The following LARGE1 variants were observed in gnomAD, a reference collection of about 807,000 sequenced individuals.
The protein encoded by LARGE1 is LARGE xylosyl- and glucuronyltransferase 1.
A neutral mutation model predicts 87.6 loss-of-function variants in LARGE1; 43 were observed. The observed-to-expected ratio is 0.49, with a 90% CI of 0.38 to 0.63. The LOEUF (loss-of-function observed/expected upper bound fraction) is 0.63, where lower values mean the gene tolerates loss of function less well. LARGE1 is among the 30% of genes least tolerant of loss of function. The probability of loss-of-function intolerance (pLI) is 0.00; values close to 1 mark genes in which losing one functional copy is unlikely to be tolerated. For synonymous variants in LARGE1, 434 were observed against 394.6 expected (o/e 1.10, Z -1.18); for missense variants, 802 against 1,000.2 (o/e 0.80, Z 2.67).
intron 11 of LARGE1, among the ~76,000 whole-genome samples, chr22:33,260,276 C>T (rs138489320): frequency 2.6e-5 from 4 of 152,252 alleles, no homozygotes; most frequent in South Asian, 2.1e-4. Context: ...GGGAACGGTG[C>T]GTAACAAACT....
the LARGE1 span, among the ~76,000 whole-genome samples, chr22:33,108,048 A>G: frequency 6.6e-6 from 1 of 152,192 alleles, no homozygotes; most frequent in Non-Finnish European, 1.5e-5. Context: ...TTATATATTC[A>G]TAAAGCAAAC....
chr22:33,274,776 TG>T, intron 14 of LARGE1, 152 bp from the exon 15 acceptor site: 1 of 751,076 alleles, frequency 1.3e-6, no homozygotes, highest in East Asian at 2.7e-5. Context: ...AGCTTTGGAG[TG>T]GGGTAATTCA....
At chr22:33,704,898 A>G (rs1161973985) in intron 2 of LARGE1, 2 of 152,278 alleles carry the variant, frequency 1.3e-5, no homozygotes, top group African/African-American at 4.8e-5. Flanking sequence ...ACAGCCAGAC[A>G]CGCAGAGGCT....
At chr22:33,253,766 C>T (rs569593214) in intron 11 of LARGE1, among the ~76,000 whole-genome samples, 8 of 152,138 alleles carry the variant, frequency 5.3e-5, no homozygotes, top group Middle Eastern at 3.2e-3. Context: ...GATGGGGCTG[C>T]ACCTCGGAGG....
chr22:33,463,905 CT>C (rs1293747021), intron 6 of LARGE1, among the ~76,000 whole-genome samples: 2 of 152,136 alleles, frequency 1.3e-5, no homozygotes, highest in African/African-American at 2.4e-5. Flanking sequence ...AACTCCTGAC[CT>C]CAGGTGATCT....
At chr22:33,135,836 T>G in the LARGE1 span, among the ~76,000 whole-genome samples, 1 of 149,910 alleles carries the variant, frequency 6.7e-6, no homozygotes, top group African/African-American at 2.5e-5. Context: ...CAAGACTCCA[T>G]CTCAAAAAAT....
chr22:33,561,448 TGCCAGGTATACCA>T (rs1569271109), intron 6 of LARGE1, among the ~76,000 whole-genome samples: 1 of 152,178 alleles, frequency 6.6e-6, no homozygotes, highest in African/African-American at 2.4e-5. Context: ...GAGGGACCCC[TGCCAGGTATACCA>T]GAAGTATCTC....
At chr22:33,678,132 G>C (rs1265343918) in intron 2 of LARGE1, among the ~76,000 whole-genome samples, 1 of 152,198 alleles carries the variant, frequency 6.6e-6, no homozygotes, top group East Asian at 1.9e-4. Context: ...GAAAGAATCT[G>C]GAGAGCTCAA....
chr22:33,277,213 G>T lies in LARGE1; in HGVS notation c.1920C>A (p.Ala640=), dbSNP rs2145831959. 1 of 1,614,242 alleles carries T rather than the reference G, an allele frequency of 6.2e-7. No individual in the cohort carries two copies. Among genetic ancestry groups the T allele is most frequent in the Non-Finnish European group, 8.5e-7 (1 of 1,180,040 alleles). The change falls in exon 14 of 15, where the codon GCC becomes GCA. Residue 640 remains alanine, a synonymous_variant. Coordinates refer to ENST00000397394, the MANE Select transcript of LARGE1 (RefSeq NM_133642.5). ...AAGGCGTGGTGGCGGTCCGCCACTT[G>T]GCGAAGTTTGTGGGTGCGTGGCCTT... is the stretch of plus-strand genomic sequence containing the variant. The part of the protein sequence containing the change: ...WTKGHAPTNF[A]KWRTATTPYR...
intron 1 of LARGE1, among the ~76,000 whole-genome samples, chr22:33,819,193 T>G (rs1005813593): frequency 1.3e-5 from 2 of 152,162 alleles, no homozygotes; most frequent in Non-Finnish European, 2.9e-5. Flanking sequence ...TCCAAAAGTA[T>G]GGATCACAAC....
chr22:33,888,511 G>T (rs1487390489), intron 1 of LARGE1, among the ~76,000 whole-genome samples: 1 of 152,128 alleles, frequency 6.6e-6, no homozygotes, highest in African/African-American at 2.4e-5. Flanking sequence ...CACGGGGGAG[G>T]TGGGTAACAT....
intron 11 of LARGE1, among the ~76,000 whole-genome samples, chr22:33,181,083 G>C (rs137366): frequency 0.62 from 94,373 of 151,952 alleles, 29,588 homozygotes; most frequent in Middle Eastern, 0.7. Context: ...TTATATCTCA[G>C]TAAAGCTGCT....
At chr22:33,473,852 G>A (rs1332515396) in intron 6 of LARGE1, among the ~76,000 whole-genome samples, 2 of 152,226 alleles carry the variant, frequency 1.3e-5, no homozygotes, top group African/African-American at 4.8e-5. Context: ...CATTTTCTCA[G>A]AGTTGCTAAA....
At chr22:33,656,621 T>C (rs1415342274) in intron 2 of LARGE1, among the ~76,000 whole-genome samples, 2 of 152,208 alleles carry the variant, frequency 1.3e-5, no homozygotes, top group Non-Finnish European at 2.9e-5. Context: ...TGTTTCTCTA[T>C]TACCTTTCCT....
chr22:33,445,326 A>T (rs2067643354), intron 6 of LARGE1, among the ~76,000 whole-genome samples: 1 of 152,224 alleles, frequency 6.6e-6, no homozygotes. Flanking sequence ...TCCACTAAAC[A>T]GTCACACCAA....
intron 5 of LARGE1, among the ~76,000 whole-genome samples, chr22:33,583,727 T>C (rs1180722840): frequency 6.6e-6 from 1 of 152,122 alleles, no homozygotes; most frequent in African/African-American, 2.4e-5. Context: ...GTCCCCCCCA[T>C]CCAGTATGAA....
intron 9 of LARGE1, among the ~76,000 whole-genome samples, chr22:33,351,770 G>A (rs926185081): frequency 2.3e-5 from 3 of 132,288 alleles, no homozygotes; most frequent in Non-Finnish European, 4.9e-5. Context: ...TTTTTTTTTT[G>A]AGACAGAGTC....
chr22:33,104,342 T>A, the LARGE1 span, among the ~76,000 whole-genome samples: 1 of 152,172 alleles, frequency 6.6e-6, no homozygotes, highest in Non-Finnish European at 1.5e-5. Context: ...CATGAATGAT[T>A]TCTGTTTCTG....
At chr22:33,683,665 C>T (rs114164130) in intron 2 of LARGE1, among the ~76,000 whole-genome samples, 2 of 151,492 alleles carry the variant, frequency 1.3e-5, no homozygotes, top group African/African-American at 4.9e-5. Flanking sequence ...AGACGATAGA[C>T]AGAAGATAGA....
Sources: allele counts gnomAD v4.1 joint callset (sites outside exome capture counted in the v4.1 genomes callset), GRCh38; gene constraint gnomAD v4.1.1; transcripts MANE v1.5; gene names NCBI Gene and HGNC (gene_info 2026-07-23, HGNC 2026-07-21).